Variants in SEMA6D observed in about 807,000 individuals in gnomAD.
The protein encoded by SEMA6D is semaphorin 6D.
Under a neutral mutation model 106.6 loss-of-function variants are expected in SEMA6D, and 35 were observed. That is an observed-to-expected ratio of 0.33 (90% CI 0.25 to 0.44). SEMA6D has a LOEUF of 0.44. Among genes scored for constraint, SEMA6D ranks in the 20% least tolerant of loss-of-function variants. SEMA6D has a pLI of 1.00. For missense variants in SEMA6D, 1,185 were observed against 1,345.9 expected (o/e 0.88, Z 1.87); for synonymous variants, 499 against 487.7 (o/e 1.02, Z -0.31).
chr15:47,704,622 G>A (rs1488871715), intron 4 of SEMA6D, among the ~76,000 whole-genome samples: 1 of 151,940 alleles, frequency 6.6e-6, no homozygotes, highest in Non-Finnish European at 1.5e-5. Context: ...CATGTGGGAG[G>A]ACTGATTGAG....
intron 1 of SEMA6D, among the ~76,000 whole-genome samples, chr15:47,226,748 A>C (rs375111930): frequency 6.6e-6 from 1 of 152,034 alleles, no homozygotes. Flanking sequence ...CGAAGAAGCC[A>C]CAAAAAAAAC....
At chr15:47,439,461 A>T (rs931527214) in intron 2 of SEMA6D, among the ~76,000 whole-genome samples, 13 of 152,112 alleles carry the variant, frequency 8.5e-5, no homozygotes, top group Non-Finnish European at 1.9e-4. Flanking sequence ...AGCTGTGCCA[A>T]CACTATAATT....
intron 1 of SEMA6D, 45 bp downstream of exon 1, chr15:47,717,737 G>A (rs1305861572): frequency 1.4e-5 from 2 of 147,026 alleles, no homozygotes; most frequent in East Asian, 4.0e-4. Flanking sequence ...GTGGCGCCCG[G>A]TGGGGGTCGG....
intron 11 of SEMA6D, 141 bp from the exon 12 acceptor site, chr15:47,764,497 G>A: frequency 7.9e-7 from 1 of 1,273,456 alleles, no homozygotes; most frequent in Non-Finnish European, 1.1e-6. Flanking sequence ...GAATTCAGGG[G>A]CATAGCATTG....
chr15:47,688,107 CAA>C (rs1362291811), intron 4 of SEMA6D, among the ~76,000 whole-genome samples: 2 of 151,864 alleles, frequency 1.3e-5, no homozygotes, highest in East Asian at 3.9e-4. Context: ...ATAAATGAGA[CAA>C]GAGAATTAGA....
chr15:47,603,730 C>T (rs987569848), intron 4 of SEMA6D: 1 of 151,902 alleles, frequency 6.6e-6, no homozygotes, highest in Non-Finnish European at 1.5e-5. Flanking sequence ...CCCCCTCGCC[C>T]CGATTATTTC....
chr15:47,436,903 C>T (rs1370611864), intron 2 of SEMA6D, among the ~76,000 whole-genome samples: 1 of 146,248 alleles, frequency 6.8e-6, no homozygotes, highest in African/African-American at 2.5e-5. Flanking sequence ...CACTGCACTC[C>T]AGCCTGGGTG....
chr15:47,744,979 C>T (rs1370235686), intron 1 of SEMA6D, among the ~76,000 whole-genome samples: 1 of 152,182 alleles, frequency 6.6e-6, no homozygotes, highest in Non-Finnish European at 1.5e-5. Flanking sequence ...TTGGCTTTCT[C>T]ATGGTCTGTC....
intron 1 of SEMA6D, among the ~76,000 whole-genome samples, chr15:47,717,998 G>C (rs1253446629): frequency 1.3e-5 from 2 of 152,172 alleles, no homozygotes; most frequent in Admixed American, 1.3e-4. Flanking sequence ...GGCGGCTTAG[G>C]GGGAGGGGCA....
intron 3 of SEMA6D, among the ~76,000 whole-genome samples, chr15:47,581,011 A>G (rs535677520): frequency 6.6e-6 from 1 of 152,324 alleles, no homozygotes; most frequent in Admixed American, 6.5e-5. Flanking sequence ...AAACACATCC[A>G]TCTGCATCTG....
intron 1 of SEMA6D, among the ~76,000 whole-genome samples, chr15:47,718,181 G>A (rs968905842): frequency 1.3e-5 from 2 of 152,218 alleles, no homozygotes; most frequent in Non-Finnish European, 1.5e-5. Flanking sequence ...CAGCCGGGGA[G>A]AGCTGAGCCA....
intron 1 of SEMA6D, among the ~76,000 whole-genome samples, chr15:47,719,405 T>C (rs2079291731): frequency 6.6e-6 from 1 of 152,200 alleles, no homozygotes; most frequent in Admixed American, 6.5e-5. Flanking sequence ...TAAAAATAAC[T>C]GTAGTGTTTC....
At chr15:47,571,813 G>T (rs1203546983) in intron 3 of SEMA6D, among the ~76,000 whole-genome samples, 1 of 152,056 alleles carries the variant, frequency 6.6e-6, no homozygotes, top group Admixed American at 6.6e-5. Context: ...TCAAAATTTG[G>T]CTATACATGT....
intron 1 of SEMA6D, among the ~76,000 whole-genome samples, chr15:47,198,631 A>AG (rs1894519966): frequency 6.6e-6 from 1 of 152,154 alleles, no homozygotes; most frequent in Non-Finnish European, 1.5e-5. Context: ...TGGTCCAAGC[A>AG]GGGACCTGGA....
At chr15:47,709,575 G>C (rs2078976623) in intron 4 of SEMA6D, among the ~76,000 whole-genome samples, 1 of 152,216 alleles carries the variant, frequency 6.6e-6, no homozygotes, top group African/African-American at 2.4e-5. Context: ...ATGAGTGAAT[G>C]ATCCTGCCCC....
intron 1 of SEMA6D, among the ~76,000 whole-genome samples, chr15:47,258,061 C>T (rs927679187): frequency 5.3e-5 from 8 of 152,132 alleles, no homozygotes; most frequent in Admixed American, 5.2e-4. Context: ...GCCACTTGAG[C>T]ATTTTTGATT....
intron 1 of SEMA6D, among the ~76,000 whole-genome samples, chr15:47,357,237 G>A (rs1055215764): frequency 1.3e-5 from 2 of 152,058 alleles, no homozygotes; most frequent in Non-Finnish European, 2.9e-5. Flanking sequence ...GGGAGGCTGA[G>A]GCAGGAGAAT....
chr15:47,646,344 T>A (rs1475122336), intron 4 of SEMA6D, among the ~76,000 whole-genome samples: 2 of 152,198 alleles, frequency 1.3e-5, no homozygotes, highest in South Asian at 4.1e-4. Flanking sequence ...ATCACAAGTG[T>A]GTGCCAGGCA....
At chr15:47,443,232 G>A (rs1174933102) in intron 2 of SEMA6D, among the ~76,000 whole-genome samples, 1 of 152,126 alleles carries the variant, frequency 6.6e-6, no homozygotes, top group East Asian at 1.9e-4. Context: ...GGTAGAGTCT[G>A]TGTACCCTCT....
Sources: allele counts gnomAD v4.1 joint callset (sites outside exome capture counted in the v4.1 genomes callset), GRCh38; gene constraint gnomAD v4.1.1; transcripts MANE v1.5; gene names NCBI Gene and HGNC (gene_info 2026-07-23, HGNC 2026-07-21).